The following GRID2 variants were observed in gnomAD, a reference collection of about 807,000 sequenced individuals.
GRID2 encodes glutamate receptor ionotropic, delta-2.
In GRID2, 33 loss-of-function variants were observed where a neutral mutation model predicts 114.8. The ratio of observed to expected loss-of-function variants is 0.29; its 90% CI spans 0.22 to 0.38. The LOEUF (loss-of-function observed/expected upper bound fraction) is 0.38. GRID2 is among the 10% of genes least tolerant of loss of function. The pLI is 1.00. For synonymous variants in GRID2, 505 were observed against 449.9 expected (o/e 1.12, Z -1.55); for missense variants, 1,184 against 1,257.7 (o/e 0.94, Z 0.89).
intron 2 of GRID2, among the ~76,000 whole-genome samples, chr4:92,965,475 AAAAAAAAAAAAAAAC>A (rs1243598278): frequency 2.8e-4 from 25 of 88,578 alleles, no homozygotes; most frequent in African/African-American, 9.6e-4. Context: ...AAAAAAAAAA[AAAAAAAAAAAAAAAC>A]ACACAACATC....
intron 7 of GRID2, among the ~76,000 whole-genome samples, chr4:93,225,022 C>T (rs1745325450): frequency 6.6e-6 from 1 of 151,984 alleles, no homozygotes; most frequent in African/African-American, 2.4e-5. Context: ...ACCCACTTGA[C>T]TATGTCATTA....
At chr4:92,800,961 T>C (rs751427793) in intron 2 of GRID2, among the ~76,000 whole-genome samples, 16 of 151,984 alleles carry the variant, frequency 1.1e-4, no homozygotes, top group Non-Finnish European at 2.2e-4. Context: ...CGTTTTTTCA[T>C]CCGGAAACAT....
chr4:93,695,549 C>T (rs981642149), intron 14 of GRID2, among the ~76,000 whole-genome samples: 2 of 152,158 alleles, frequency 1.3e-5, no homozygotes, highest in African/African-American at 4.8e-5. Flanking sequence ...ATTAGGATAG[C>T]TTGGTACACC....
chr4:92,859,284 T>A (rs1036664487), intron 2 of GRID2, among the ~76,000 whole-genome samples: 1 of 152,194 alleles, frequency 6.6e-6, no homozygotes, highest in Non-Finnish European at 1.5e-5. Context: ...CAATAAAGAA[T>A]TTTTTAAATT....
At chr4:93,107,155 C>T in intron 3 of GRID2, among the ~76,000 whole-genome samples, 1 of 152,056 alleles carries the variant, frequency 6.6e-6, no homozygotes, top group African/African-American at 2.4e-5. Context: ...AAAAGTTAGC[C>T]TGGCATGGAG....
chr4:93,425,660 T>C (rs1768771108), intron 10 of GRID2, among the ~76,000 whole-genome samples: 1 of 152,190 alleles, frequency 6.6e-6, no homozygotes, highest in South Asian at 2.1e-4. Context: ...ACACAGATTT[T>C]GGGGCTCACT....
At chr4:93,281,931 A>G (rs1012420777) in intron 8 of GRID2, among the ~76,000 whole-genome samples, 2 of 152,066 alleles carry the variant, frequency 1.3e-5, no homozygotes, top group African/African-American at 4.8e-5. Context: ...AAACCAAACT[A>G]GCCCCTTTTA....
intron 2 of GRID2, among the ~76,000 whole-genome samples, chr4:92,993,192 T>C (rs1288268203): frequency 6.6e-6 from 1 of 151,212 alleles, no homozygotes; most frequent in Non-Finnish European, 1.5e-5. Context: ...GCATTTACAA[T>C]AATAATAATA....
intron 2 of GRID2, among the ~76,000 whole-genome samples, chr4:93,045,010 G>T (rs1345952174): frequency 6.6e-6 from 1 of 152,112 alleles, no homozygotes; most frequent in Non-Finnish European, 1.5e-5. Context: ...TAGTTATCAA[G>T]AAACTGTTTC....
intron 8 of GRID2, among the ~76,000 whole-genome samples, chr4:93,286,714 T>G (rs1298813926): frequency 6.7e-6 from 1 of 150,214 alleles, no homozygotes; most frequent in Non-Finnish European, 1.5e-5. Context: ...TGTGTGTGTG[T>G]GTGTGTATGT....
chr4:93,745,723 A>G (rs1018988647), intron 14 of GRID2, among the ~76,000 whole-genome samples: 1 of 152,218 alleles, frequency 6.6e-6, no homozygotes, highest in East Asian at 1.9e-4. Context: ...TAACTATCCA[A>G]TTAAATGTAC....
intron 2 of GRID2, among the ~76,000 whole-genome samples, chr4:92,616,330 G>C (rs1235662546): frequency 6.6e-6 from 1 of 150,728 alleles, no homozygotes. Context: ...TTTGTTTCTT[G>C]TAAAACATCA....
chr4:92,916,441 T>A (rs1369014946), intron 2 of GRID2, among the ~76,000 whole-genome samples: 3 of 152,130 alleles, frequency 2.0e-5, no homozygotes, highest in Non-Finnish European at 4.4e-5. Context: ...ACACGTGCCA[T>A]GTTGGTGTGC....
At chr4:92,572,294 A>C (rs193251466) in intron 1 of GRID2, among the ~76,000 whole-genome samples, 2,148 of 152,324 alleles carry the variant, frequency 0.014, 37 homozygotes, top group African/African-American at 0.049. Context: ...AGAAATGGAT[A>C]AATTCCTCGA....
intron 1 of GRID2, among the ~76,000 whole-genome samples, chr4:92,480,127 G>A (rs536990253): frequency 2.4e-4 from 36 of 152,054 alleles, no homozygotes; most frequent in African/African-American, 8.0e-4. Flanking sequence ...AAAAATACAC[G>A]TATCTTCTCA....
At chr4:93,718,724 A>G (rs1729111109) in intron 14 of GRID2, among the ~76,000 whole-genome samples, 1 of 152,200 alleles carries the variant, frequency 6.6e-6, no homozygotes, top group Non-Finnish European at 1.5e-5. Context: ...CTTTAAAAAA[A>G]AAATCCGTAG....
At chr4:93,104,824 G>A (rs1343863476) in intron 3 of GRID2, among the ~76,000 whole-genome samples, 1 of 152,130 alleles carries the variant, frequency 6.6e-6, no homozygotes, top group African/African-American at 2.4e-5. Flanking sequence ...TATATACCCA[G>A]TAATGGGATG....
Position 93,316,390 on chromosome 4 carries a change from A to AAGG in GRID2, c.1245+77901_1245+77902insGGA, listed in dbSNP as rs11282003. Among the ~76,000 whole-genome samples the AAGG allele has an allele frequency of 1.5e-3, 221 of 143,550 alleles. 5 individuals carry two copies. Among genetic ancestry groups the AAGG allele is most frequent in the African/African-American group, 4.2e-3 (164 of 38,724 alleles). The allele number at this position is 143,550 out of a possible 152,430, so 94.2% of individuals were successfully genotyped here. On this transcript the variant is annotated intron_variant, in intron 8 of 15. Transcript: ENST00000282020. ...GAAAAAGAAAGAAAGAAAGAATAGAAAAGGAAGGAAGGAAGGAGAAGAAAA... is the reference window on the plus strand; with the variant it reads ...GAAAAAGAAAGAAAGAAAGAATAGAAAGGAAGGAAGGAAGGAAGGAGAAGAAAA...
intron 1 of GRID2, among the ~76,000 whole-genome samples, chr4:92,506,708 T>C (rs940910110): frequency 6.6e-6 from 1 of 151,928 alleles, no homozygotes; most frequent in Non-Finnish European, 1.5e-5. Context: ...CTTGCTTTGC[T>C]GAAGGCAGTT....
Sources: gnomAD v4.1 joint callset for allele counts (sites outside exome capture counted in the v4.1 genomes callset) on GRCh38, gnomAD v4.1.1 for gene constraint, MANE v1.5 for transcripts, NCBI Gene and HGNC (gene_info 2026-07-23, HGNC 2026-07-21) for gene names.